The following TENM2 variants were observed in gnomAD, a reference collection of about 807,000 sequenced individuals.
The protein encoded by TENM2 is teneurin-2.
TENM2 carries 52 observed loss-of-function variants against 245.2 expected under a neutral mutation model. The ratio of observed to expected loss-of-function variants is 0.21; its 90% CI spans 0.17 to 0.27. TENM2 has a LOEUF of 0.27. Ranked by LOEUF, TENM2 falls within the 10% of genes least tolerant of loss-of-function variation. TENM2 has a pLI of 1.00. For missense variants in TENM2, 3,046 were observed against 3,666.8 expected, an observed-to-expected ratio of 0.83 and a Z score of 4.37; for synonymous variants, 1,363 against 1,438.9, an observed-to-expected ratio of 0.95 and a Z score of 1.19.
intron 2 of TENM2, among the ~76,000 whole-genome samples, chr5:167,423,106 A>G (rs1214769479): frequency 1.3e-5 from 2 of 152,078 alleles, no homozygotes; most frequent in African/African-American, 4.8e-5. Context: ...TTTTTTAGCA[A>G]TGAACAAAAA....
intron 27 of TENM2, among the ~76,000 whole-genome samples, chr5:168,255,090 G>A (rs1767530414): frequency 6.6e-6 from 1 of 151,776 alleles, no homozygotes; most frequent in Non-Finnish European, 1.5e-5. Flanking sequence ...AAAGGACAAG[G>A]ACTTCTCTTG....
chr5:167,849,182 C>A (rs1456415905), intron 2 of TENM2, among the ~76,000 whole-genome samples: 1 of 152,146 alleles, frequency 6.6e-6, no homozygotes, highest in Admixed American at 6.5e-5. Flanking sequence ...TTCATAGCCC[C>A]TTCCTCACAT....
chr5:167,312,307 G>A (rs956545203), intron 1 of TENM2, among the ~76,000 whole-genome samples: 4 of 152,116 alleles, frequency 2.6e-5, no homozygotes, highest in African/African-American at 7.2e-5. Flanking sequence ...CAGATGTGAT[G>A]TGTTTTAATC....
chr5:167,118,830 G>T, the TENM2 span, among the ~76,000 whole-genome samples: 1 of 152,156 alleles, frequency 6.6e-6, no homozygotes, highest in Non-Finnish European at 1.5e-5. Flanking sequence ...CTTTCTTGGG[G>T]AGTGAGTCCT....
At chr5:167,983,769 G>T (rs1481803457) in intron 4 of TENM2, among the ~76,000 whole-genome samples, 1 of 152,158 alleles carries the variant, frequency 6.6e-6, no homozygotes, top group African/African-American at 2.4e-5. Context: ...ACTGGAAGAA[G>T]AGAAGAAGCA....
intron 12 of TENM2, among the ~76,000 whole-genome samples, chr5:168,144,727 C>G (rs544032869): frequency 1.0e-3 from 154 of 152,172 alleles, no homozygotes; most frequent in Non-Finnish European, 2.0e-3. Context: ...AATGGTATTT[C>G]TAGTTCTAGA....
chr5:167,055,413 C>T, the TENM2 span, among the ~76,000 whole-genome samples: 1 of 152,014 alleles, frequency 6.6e-6, no homozygotes, highest in Non-Finnish European at 1.5e-5. Flanking sequence ...TCCATTCTTT[C>T]ACCATTGCCA....
At chr5:167,414,632 A>G (rs2127411359) in intron 2 of TENM2, among the ~76,000 whole-genome samples, 1 of 152,164 alleles carries the variant, frequency 6.6e-6, no homozygotes, top group Admixed American at 6.6e-5. Context: ...GGTGTATGAA[A>G]ATATCAGATC....
chr5:167,634,640 T>C (rs1779079158), intron 2 of TENM2, among the ~76,000 whole-genome samples: 1 of 152,118 alleles, frequency 6.6e-6, no homozygotes, highest in Non-Finnish European at 1.5e-5. Context: ...AGAAAATTGA[T>C]GGCTCTGTAA....
At chr5:168,062,901 G>T (rs1010339699) in intron 7 of TENM2, among the ~76,000 whole-genome samples, 1 of 152,176 alleles carries the variant, frequency 6.6e-6, no homozygotes, top group African/African-American at 2.4e-5. Flanking sequence ...TTTTTGGGGG[G>T]TAGTGATAGT....
intron 27 of TENM2, among the ~76,000 whole-genome samples, chr5:168,254,768 C>T (rs1767493924): frequency 6.6e-6 from 1 of 152,154 alleles, no homozygotes; most frequent in Non-Finnish European, 1.5e-5. Context: ...CCTTCTCAGC[C>T]AGTTGCGGTG....
At chr5:167,222,181 TTG>T in the TENM2 span, among the ~76,000 whole-genome samples, 2 of 152,172 alleles carry the variant, frequency 1.3e-5, no homozygotes, top group Non-Finnish European at 2.9e-5. Context: ...AGATTTGTAT[TTG>T]TGATAAAAAG....
intron 13 of TENM2, among the ~76,000 whole-genome samples, chr5:168,167,146 G>A (rs1562239254): frequency 6.6e-6 from 1 of 152,106 alleles, no homozygotes; most frequent in Non-Finnish European, 1.5e-5. Context: ...TTTGCTTACA[G>A]AAGACAAATA....
chr5:167,922,389 T>G (rs1236697008), intron 3 of TENM2, among the ~76,000 whole-genome samples: 1 of 125,316 alleles, frequency 8.0e-6, no homozygotes, highest in Admixed American at 7.4e-5. Flanking sequence ...TTCCAGCCCC[T>G]CTATCATGAA....
intron 2 of TENM2, among the ~76,000 whole-genome samples, chr5:167,454,426 TA>T (rs1351526483): frequency 6.7e-6 from 1 of 149,776 alleles, no homozygotes; most frequent in African/African-American, 2.5e-5. Flanking sequence ...AAAACAGAGT[TA>T]AAAAAATAAT....
At chr5:167,585,571 T>G (rs1157881097) in intron 2 of TENM2, among the ~76,000 whole-genome samples, 4 of 152,188 alleles carry the variant, frequency 2.6e-5, no homozygotes, top group Non-Finnish European at 5.9e-5. Flanking sequence ...CTCCCAAATT[T>G]CTCTGCTTCT....
the TENM2 span, among the ~76,000 whole-genome samples, chr5:167,140,511 G>A: frequency 2.6e-5 from 4 of 152,040 alleles, no homozygotes; most frequent in African/African-American, 9.7e-5. Context: ...CCCTTACACA[G>A]CTTGAAATTC....
At chr5:168,141,169 T>G (rs1392528276) in intron 12 of TENM2, among the ~76,000 whole-genome samples, 2 of 152,148 alleles carry the variant, frequency 1.3e-5, no homozygotes, top group Non-Finnish European at 2.9e-5. Flanking sequence ...AGTTCAGCAG[T>G]GTAAACCTGT....
At chr5:167,899,233 G>A (rs1354052838) in intron 3 of TENM2, among the ~76,000 whole-genome samples, 1 of 152,128 alleles carries the variant, frequency 6.6e-6, no homozygotes, top group Admixed American at 6.5e-5. Context: ...GAAAGCAAAA[G>A]GGGCAAGAGT....
Sources: allele counts gnomAD v4.1 joint callset (sites outside exome capture counted in the v4.1 genomes callset), GRCh38; gene constraint gnomAD v4.1.1; transcripts MANE v1.5; gene names NCBI Gene and HGNC (gene_info 2026-07-23, HGNC 2026-07-21).